The following NCOA1 variants were observed in gnomAD, a reference collection of about 807,000 sequenced individuals.
The protein encoded by NCOA1 is Hin-2 protein.
In NCOA1, 35 loss-of-function variants were observed where a neutral mutation model predicts 150.9. The ratio of observed to expected loss-of-function variants is 0.23; its 90% confidence interval spans 0.18 to 0.31. The LOEUF is 0.31. Among genes scored for constraint, NCOA1 ranks in the 10% least tolerant of loss-of-function variants. The pLI, the probability that NCOA1 is intolerant of heterozygous loss-of-function variation, is 1.00. For synonymous variants in NCOA1, 590 were observed against 630.0 expected (o/e 0.94, Z 0.95); for missense variants, 1,491 against 1,749.3 (o/e 0.85, Z 2.63).
intron 1 of NCOA1, among the ~76,000 whole-genome samples, chr2:24,499,569 A>G (rs17734306): frequency 0.2 from 29,611 of 151,814 alleles, 3,038 homozygotes; most frequent in Non-Finnish European, 0.23. Context: ...TAAACAGTGT[A>G]TTATCACTTG....
chr2:24,733,744 A>AAAAAC (rs199792126), intron 17 of NCOA1, among the ~76,000 whole-genome samples: 12 of 152,088 alleles, frequency 7.9e-5, no homozygotes, highest in Middle Eastern at 3.4e-3. Flanking sequence ...ACTCCATCTC[A>AAAAAC]AAAACAAAAC....
At position 24,513,463 on chromosome 2, in the gene NCOA1, A is replaced by G. The variant is rs555613167; in HGVS notation, c.-396+21861A>G. Reference sequence around the variant, plus strand: ...TGGCTACATCACAATTTACTTACTCACGCTCCTCTGGGTGGTTATTAGGTA... The same window carrying G: ...TGGCTACATCACAATTTACTTACTCGCGCTCCTCTGGGTGGTTATTAGGTA... On this transcript the variant is annotated intron_variant, in intron 1 of 22. Coordinates refer to ENST00000348332, the MANE Select transcript of NCOA1 (RefSeq NM_003743.5). Among the ~76,000 whole-genome samples, 51 of 150,376 alleles carry G rather than the reference A, an allele frequency of 3.4e-4. 1 individual carries two copies. In the South Asian group the frequency reaches 0.011, roughly 32 times the overall value.
chr2:24,576,145 CTTTGTTTTTTTTTTTTTGTTTTTTGTTT>C, intron 2 of NCOA1, among the ~76,000 whole-genome samples: 1 of 101,034 alleles, frequency 9.9e-6, no homozygotes, highest in Admixed American at 9.5e-5. Context: ...ATTATTTGGC[CTTTGTTTTTTTTTTTTTGTTTTTTGTTT>C]TTTTTTTTTT....
intron 11 of NCOA1, among the ~76,000 whole-genome samples, chr2:24,701,073 G>C (rs1673135399): frequency 6.6e-6 from 1 of 152,056 alleles, no homozygotes; most frequent in Non-Finnish European, 1.5e-5. Flanking sequence ...TCTATCAGCA[G>C]TTAGATAGTA....
chr2:24,558,543 A>G (rs138632755), intron 1 of NCOA1, among the ~76,000 whole-genome samples: 2,123 of 152,270 alleles, frequency 0.014, 52 homozygotes, highest in African/African-American at 0.049. Context: ...ATAGCACAGG[A>G]AAGACTGGCC....
chr2:24,542,469 G>A (rs1665437587), intron 1 of NCOA1, among the ~76,000 whole-genome samples: 2 of 152,162 alleles, frequency 1.3e-5, no homozygotes, highest in Admixed American at 1.3e-4. Context: ...TAGAAAATTT[G>A]GATGACTGGC....
intron 1 of NCOA1, among the ~76,000 whole-genome samples, chr2:24,546,198 C>G (rs913328475): frequency 1.3e-5 from 2 of 151,090 alleles, no homozygotes; most frequent in African/African-American, 4.9e-5. Flanking sequence ...GAGCAAGATC[C>G]CATCTCTTAA....
At chr2:24,668,870 A>C (rs2148511740) in intron 6 of NCOA1, among the ~76,000 whole-genome samples, 1 of 152,228 alleles carries the variant, frequency 6.6e-6, no homozygotes, top group South Asian at 2.1e-4. Context: ...TCAGCTCTGG[A>C]GGGGAGTTTA....
At chr2:24,616,041 G>A (rs564343226) in intron 3 of NCOA1, among the ~76,000 whole-genome samples, 6 of 152,120 alleles carry the variant, frequency 3.9e-5, no homozygotes, top group Non-Finnish European at 8.8e-5. Context: ...AATAAAAATG[G>A]CACTCTTTAT....
At chr2:24,596,286 A>T (rs1020677598) in intron 3 of NCOA1, among the ~76,000 whole-genome samples, 2 of 152,184 alleles carry the variant, frequency 1.3e-5, no homozygotes, top group African/African-American at 2.4e-5. Flanking sequence ...ATACTTGTGG[A>T]AAATTATAGT....
intron 19 of NCOA1, among the ~76,000 whole-genome samples, chr2:24,745,775 CTCA>C (rs1663886885): frequency 6.6e-6 from 1 of 152,206 alleles, no homozygotes; most frequent in African/African-American, 2.4e-5. Flanking sequence ...CAAACCTAGA[CTCA>C]TCAACTCCAT....
chr2:24,740,462 T>C (rs1188170377), intron 18 of NCOA1, among the ~76,000 whole-genome samples: 3 of 152,228 alleles, frequency 2.0e-5, no homozygotes, highest in Non-Finnish European at 4.4e-5. Context: ...ACAATTGTTA[T>C]GGTATTTGTA....
At position 24,613,396 on chromosome 2, in the gene NCOA1, G is replaced by A. The variant is rs547523073; in HGVS notation, c.-175+28836G>A. On this transcript the variant is annotated intron_variant, in intron 3 of 22. Coordinates refer to ENST00000348332, the MANE Select transcript of NCOA1 (RefSeq NM_003743.5). ...GCTACTTGCTCAGCCCCAGGGGAGT[G>A]GGAAGCAAGATGAGTGGGGCCAGGC... Among the ~76,000 whole-genome samples, 9 of 152,294 alleles carry A rather than the reference G, an allele frequency of 5.9e-5. No individual in the cohort carries two copies. In the South Asian group the frequency reaches 1.9e-3, roughly 32 times the overall value.
intron 4 of NCOA1, among the ~76,000 whole-genome samples, chr2:24,648,421 C>T (rs1482039406): frequency 2.6e-5 from 4 of 151,952 alleles, no homozygotes; most frequent in South Asian, 2.1e-4. Context: ...TACAGGCATC[C>T]GCCACCACAC....
chr2:24,601,109 G>GTT (rs147890856), intron 3 of NCOA1, among the ~76,000 whole-genome samples: 1 of 147,906 alleles, frequency 6.8e-6, no homozygotes, highest in Non-Finnish European at 1.5e-5. Context: ...TAGTTTTAGT[G>GTT]TTTTTTTTTT....
Position 24,729,674 on chromosome 2 carries a change from G to T in NCOA1, c.3060G>T (p.Thr1020=), listed in dbSNP as rs200740728. The T allele has an allele frequency of 2.5e-6, 4 of 1,614,114 alleles. No homozygotes were observed. The East Asian group carries it at 8.9e-5, about 36-fold the overall frequency. Residue 1020 remains threonine (T), a synonymous_variant, in exon 17 of 23, where the codon ACG becomes ACT. Coordinates refer to ENST00000348332, the MANE Select transcript of NCOA1 (RefSeq NM_003743.5). ...TCAGGCAAAAACCTTCACTGGGGAC[G>T]ATGCCTGTTCAAGTAACACCTCCCC... ...GMVRQKPSLG[T]MPVQVTPPRG...
intron 22 of NCOA1, among the ~76,000 whole-genome samples, chr2:24,766,027 A>G (rs1187948869): frequency 6.6e-6 from 1 of 151,746 alleles, no homozygotes; most frequent in Non-Finnish European, 1.5e-5. Flanking sequence ...CAGCCTCCCA[A>G]ATAGCTAGAA....
In NCOA1 at chr2:24,768,482, T is replaced by G; in HGVS notation, c.*91T>G. 1 of 403,898 alleles carries G rather than the reference T, an allele frequency of 2.5e-6. No individual in the cohort carries two copies. Among genetic ancestry groups the G allele is most frequent in the Non-Finnish European group, 3.6e-6 (1 of 278,696 alleles). The allele number at this position is 403,898 out of a possible 1,614,324, so 25.0% of individuals were successfully genotyped here. On this transcript the variant is annotated 3_prime_UTR_variant, in exon 23 of 23. Coordinates refer to ENST00000348332, the MANE Select transcript of NCOA1 (RefSeq NM_003743.5). Reference sequence around the variant, plus strand: ...TTTTCTGAGATTTTTGATATCTCAATCTGCAGCCATTCTTCAGGTCGTAGC... The same window carrying G: ...TTTTCTGAGATTTTTGATATCTCAAGCTGCAGCCATTCTTCAGGTCGTAGC...
chr2:24,600,127 C>T (rs916757101), intron 3 of NCOA1, among the ~76,000 whole-genome samples: 4 of 152,212 alleles, frequency 2.6e-5, no homozygotes, highest in African/African-American at 9.6e-5. Flanking sequence ...CCATTCCCTT[C>T]TTTAGTCTAT....
Sources: allele counts gnomAD v4.1 joint callset (sites outside exome capture counted in the v4.1 genomes callset), GRCh38; gene constraint gnomAD v4.1.1; transcripts MANE v1.5; gene names NCBI Gene and HGNC (gene_info 2026-07-23, HGNC 2026-07-21).